NR1H4: variants seen among roughly 807,000 people sequenced by gnomAD.
The protein encoded by NR1H4 is nuclear receptor subfamily 1 group H member 4, also known as bile acid receptor.
NR1H4 carries 23 observed loss-of-function variants against 58.5 expected under a neutral mutation model. That is an observed-to-expected ratio of 0.39 (90% CI 0.28 to 0.56). The LOEUF (loss-of-function observed/expected upper bound fraction) is 0.56. NR1H4 is among the 20% of genes least tolerant of loss of function. The pLI is 0.58. For missense variants in NR1H4, 487 were observed against 576.9 expected, an observed-to-expected ratio of 0.84 and a Z score of 1.60; for synonymous variants, 214 against 198.0, an observed-to-expected ratio of 1.08 and a Z score of -0.68.
chr12:100,517,190 C>A (rs373053556), intron 4 of NR1H4, among the ~76,000 whole-genome samples: 1 of 152,112 alleles, frequency 6.6e-6, no homozygotes, highest in African/African-American at 2.4e-5. Flanking sequence ...CCTTCTCCCC[C>A]CATCCTCCTC....
At chr12:100,546,865 C>T (rs912041963) in intron 9 of NR1H4, among the ~76,000 whole-genome samples, 2 of 152,086 alleles carry the variant, frequency 1.3e-5, no homozygotes, top group Admixed American at 1.3e-4. Context: ...GATCATTCAC[C>T]AGATATCCTC....
At chr12:100,494,613 C>T (rs549168109) in intron 3 of NR1H4, among the ~76,000 whole-genome samples, 3 of 152,346 alleles carry the variant, frequency 2.0e-5, no homozygotes, top group African/African-American at 7.2e-5. Context: ...TTCCAGTTGG[C>T]TTATCTTCAT....
chr12:100,474,828 A>G (rs1953232647), intron 1 of NR1H4, among the ~76,000 whole-genome samples: 1 of 152,196 alleles, frequency 6.6e-6, no homozygotes, highest in Non-Finnish European at 1.5e-5. Flanking sequence ...CTCACCTTGA[A>G]TTCTTCCTCT....
intron 9 of NR1H4, among the ~76,000 whole-genome samples, chr12:100,559,722 C>T (rs1752224101): frequency 6.6e-6 from 1 of 152,252 alleles, no homozygotes; most frequent in Non-Finnish European, 1.5e-5. Context: ...CCCCCTGCTC[C>T]ACGGCGCCCA....
At chr12:100,549,594 A>G (rs1955158555) in intron 9 of NR1H4, among the ~76,000 whole-genome samples, 1 of 152,170 alleles carries the variant, frequency 6.6e-6, no homozygotes, top group African/African-American at 2.4e-5. Context: ...AAAGAAAAAA[A>G]TCTTCCATGT....
intron 4 of NR1H4, among the ~76,000 whole-genome samples, chr12:100,518,625 C>T (rs1195154903): frequency 1.3e-5 from 2 of 152,076 alleles, no homozygotes; most frequent in Non-Finnish European, 1.5e-5. Flanking sequence ...CACACCACAG[C>T]AGCCTCTGTT....
intron 4 of NR1H4, among the ~76,000 whole-genome samples, chr12:100,512,276 G>A (rs989462781): frequency 6.6e-6 from 1 of 151,928 alleles, no homozygotes; most frequent in Non-Finnish European, 1.5e-5. Flanking sequence ...TTCTGTTATG[G>A]ATGCTATAGA....
At chr12:100,505,589 C>T (rs1465147409) in intron 3 of NR1H4, 2 of 701,770 alleles carry the variant, frequency 2.8e-6, no homozygotes, top group Non-Finnish European at 5.2e-6. Flanking sequence ...TCTCAGACTC[C>T]CCTGGAGTCC....
At position 100,545,875 on chromosome 12, in the gene NR1H4, C is replaced by A. The variant is rs80034514; in HGVS notation, c.1078+5057C>A. On this transcript the variant is annotated intron_variant, in intron 9 of 10. Coordinates refer to ENST00000392986, the MANE Select transcript of NR1H4 (RefSeq NM_001206979.2). ...CTCTGAAGAATAAAGGGGGAGGAAG[C>A]AGGTGGAGTCCAGGAGACTGTACAC... Among the ~76,000 whole-genome samples the A allele has an allele frequency of 3.3e-3, 506 of 152,066 alleles. 5 individuals are homozygous for A. Among genetic ancestry groups the A allele is most frequent in the African/African-American group, 0.011 (475 of 41,456 alleles).
At chr12:100,475,247 T>C (rs886225658) in intron 1 of NR1H4, among the ~76,000 whole-genome samples, 1 of 152,176 alleles carries the variant, frequency 6.6e-6, no homozygotes, top group African/African-American at 2.4e-5. Context: ...GCTGTGATTT[T>C]ATAAAATGAT....
rs557271856 is a variant in NR1H4 at position 100,489,016 on chromosome 12, C to G, written c.-189-3487C>G. 2.3e-4 allele frequency among the ~76,000 whole-genome samples: 35 copies of G among 152,230 alleles called. No homozygotes were observed. The South Asian group carries it at 3.3e-3, about 14-fold the overall frequency. ...CTATAGAGCTAAAGTCAAGGGTCTC[C>G]TGGGAGTTCTTCTTTTGCAGTTCCT... is the stretch of plus-strand genomic sequence containing the variant. On this transcript the variant is annotated intron_variant, in intron 1 of 10. Coordinates refer to ENST00000392986, the MANE Select transcript of NR1H4 (RefSeq NM_001206979.2).
intron 1 of NR1H4, among the ~76,000 whole-genome samples, chr12:100,475,852 C>G (rs1953257919): frequency 6.6e-6 from 1 of 152,294 alleles, no homozygotes; most frequent in Admixed American, 6.5e-5. Context: ...TCTCCTGCCT[C>G]AGCCTCCTGA....
rs374213870 is a variant in NR1H4, at chr12:100,536,626, G to A, written c.831+16G>A. On this transcript the variant is annotated intron_variant, in intron 7 of 10. Transcript: ENST00000392986. The stretch of plus-strand genomic sequence containing the variant: ...AAATAAAATTGTATGTATAATATCT[G>A]AAAATATGTGGGTTTAAAGTTAATA... The A allele has an allele frequency of 2.2e-6, 3 of 1,333,470 alleles. No individual in the cohort carries two copies. The African/African-American group carries it at 4.3e-5, about 19-fold the overall frequency. 82.6% of individuals were successfully genotyped at this position (1,333,470 alleles called of 1,614,324 possible). A position where few individuals can be genotyped will look rare whatever the true frequency, so the allele number is the denominator to read the frequency against.
chr12:100,552,971 G>A (rs899261041), intron 9 of NR1H4, among the ~76,000 whole-genome samples: 1 of 151,674 alleles, frequency 6.6e-6, no homozygotes, highest in Non-Finnish European at 1.5e-5. Flanking sequence ...CAGCATGGCA[G>A]CCACTGGAGA....
At chr12:100,545,973 G>T (rs955923500) in intron 9 of NR1H4, among the ~76,000 whole-genome samples, 8 of 152,170 alleles carry the variant, frequency 5.3e-5, no homozygotes, top group Non-Finnish European at 8.8e-5. Context: ...TCAGATCACA[G>T]CACAGTCCTG....
At chr12:100,505,604 A>T in intron 3 of NR1H4, 3 of 701,958 alleles carry the variant, frequency 4.3e-6, no homozygotes, top group Non-Finnish European at 5.2e-6. Context: ...GAGTCCATCC[A>T]TGTGTTCTCA....
At chr12:100,491,562 T>C (rs1953606698) in intron 1 of NR1H4, among the ~76,000 whole-genome samples, 1 of 151,224 alleles carries the variant, frequency 6.6e-6, no homozygotes, top group African/African-American at 2.4e-5. Flanking sequence ...ATGTCTCTAA[T>C]GGCTAAGGCT....
At chr12:100,489,848 A>T (rs181089038) in intron 1 of NR1H4, among the ~76,000 whole-genome samples, 13 of 152,128 alleles carry the variant, frequency 8.5e-5, no homozygotes, top group African/African-American at 2.9e-4. Context: ...CTTTTTTTTT[A>T]AAGCCCATTC....
chr12:100,488,487 A>T (rs1025723005), intron 1 of NR1H4, among the ~76,000 whole-genome samples: 1 of 152,258 alleles, frequency 6.6e-6, no homozygotes, highest in African/African-American at 2.4e-5. Flanking sequence ...ATTTTAAAAA[A>T]ATGTTTAAAA....
Sources: allele counts gnomAD v4.1 joint callset (sites outside exome capture counted in the v4.1 genomes callset), GRCh38; gene constraint gnomAD v4.1.1; transcripts MANE v1.5; gene names NCBI Gene and HGNC (gene_info 2026-07-23, HGNC 2026-07-21).